ATXN1: variants seen among roughly 807,000 people sequenced by gnomAD.
ATXN1 encodes the protein ataxin-1.
In ATXN1, 8 loss-of-function variants were observed where a neutral mutation model predicts 56.4. The ratio of observed to expected loss-of-function variants is 0.14; its 90% CI spans 0.08 to 0.26. The LOEUF (loss-of-function observed/expected upper bound fraction) is 0.26, where lower values mean the gene tolerates loss of function less well. ATXN1 is among the 10% of genes least tolerant of loss of function. The pLI is 1.00. For missense variants in ATXN1, 987 were observed against 1,106.5 expected (o/e 0.89, Z 1.53); for synonymous variants, 514 against 494.6 (o/e 1.04, Z -0.52).
At chr6:16,571,080 C>G (rs1762323661) in intron 4 of ATXN1, among the ~76,000 whole-genome samples, 3 of 152,118 alleles carry the variant, frequency 2.0e-5, no homozygotes, top group Admixed American at 6.5e-5. Flanking sequence ...CCTGCCTTTA[C>G]CTTGCAATTG....
chr6:16,734,105 T>C (rs994145017), intron 2 of ATXN1, among the ~76,000 whole-genome samples: 1 of 152,042 alleles, frequency 6.6e-6, no homozygotes. Context: ...AAAAAAAAAA[T>C]GTCTATAGAC....
intron 2 of ATXN1, among the ~76,000 whole-genome samples, chr6:16,680,107 CCA>C (rs1758782779): frequency 6.6e-6 from 1 of 152,030 alleles, no homozygotes; most frequent in African/African-American, 2.4e-5. Context: ...AGTCTTTTAC[CCA>C]CAGTCTCCCA....
Position 16,306,238 on chromosome 6 carries a change from C to T in ATXN1, c.*91G>A. ...CAGAAACCTAAAATTAAGAAGATAACATGTAAATACTGTGTTATTTTAGCC... is the reference window on the plus strand; with the variant it reads ...CAGAAACCTAAAATTAAGAAGATAATATGTAAATACTGTGTTATTTTAGCC... On this transcript the variant is annotated 3_prime_UTR_variant, in exon 8 of 8. Transcript: ENST00000436367. This position sits in a 1 kb window ranked among gnomAD's most constrained non-coding sequence, Gnocchi z 5.2. The T allele has an allele frequency of 7.1e-7, 1 of 1,417,524 alleles. No homozygotes were observed. 87.8% of individuals were successfully genotyped at this position (1,417,524 alleles called of 1,614,324 possible).
rs781173502 is a variant in ATXN1, at chr6:16,513,416, T to C, written c.-299+9211A>G. On this transcript the variant is annotated intron_variant, in intron 5 of 7. Transcript: ENST00000436367. Reference sequence around the variant, plus strand: ...TAGCAAGAAAATATGCTTGAAACTATAGGAAATGGGGAACAGAACATTACT... The same window carrying C: ...TAGCAAGAAAATATGCTTGAAACTACAGGAAATGGGGAACAGAACATTACT... Among the ~76,000 whole-genome samples, 10 of 152,198 alleles carry C rather than the reference T, an allele frequency of 6.6e-5. No individual in the cohort carries two copies. In the South Asian group the frequency reaches 1.9e-3, roughly 28 times the overall value.
At chr6:16,468,427 G>T (rs921340261) in intron 6 of ATXN1, among the ~76,000 whole-genome samples, 8 of 152,264 alleles carry the variant, frequency 5.3e-5, no homozygotes, top group African/African-American at 1.7e-4. Flanking sequence ...CTGACATCGT[G>T]ATCTGCCCGC....
intron 3 of ATXN1, among the ~76,000 whole-genome samples, chr6:16,618,158 C>G (rs1226723798): frequency 6.6e-6 from 1 of 152,070 alleles, no homozygotes; most frequent in Non-Finnish European, 1.5e-5. Flanking sequence ...CAAACTAACC[C>G]AGGAACAGAA....
chr6:16,355,862 C>G (rs1301819377), intron 6 of ATXN1, among the ~76,000 whole-genome samples: 1 of 151,980 alleles, frequency 6.6e-6, no homozygotes, highest in East Asian at 1.9e-4. Flanking sequence ...CCACGCCCAG[C>G]CCCTCACCCA....
intron 6 of ATXN1, among the ~76,000 whole-genome samples, chr6:16,464,032 C>G (rs1451647682): frequency 6.6e-5 from 10 of 152,196 alleles, no homozygotes; most frequent in Non-Finnish European, 4.4e-5. Flanking sequence ...TCACCCCTAT[C>G]CAGCAGGAAG....
intron 4 of ATXN1, among the ~76,000 whole-genome samples, chr6:16,545,552 A>G (rs2113721816): frequency 6.6e-6 from 1 of 152,310 alleles, no homozygotes; most frequent in South Asian, 2.1e-4. Context: ...TTCATCATCA[A>G]CAAACCTATT....
At chr6:16,686,968 A>G (rs922861305) in intron 2 of ATXN1, among the ~76,000 whole-genome samples, 3 of 152,188 alleles carry the variant, frequency 2.0e-5, no homozygotes, top group Non-Finnish European at 4.4e-5. Flanking sequence ...AGTGTTTACA[A>G]TGACACTATA....
At chr6:16,571,661 A>T (rs571913216) in intron 4 of ATXN1, among the ~76,000 whole-genome samples, 1 of 136,920 alleles carries the variant, frequency 7.3e-6, no homozygotes, top group African/African-American at 2.6e-5. Context: ...TCAGCTAATT[A>T]AAAAAAAAAA....
At chr6:16,504,581 T>C (rs1760946084) in intron 5 of ATXN1, among the ~76,000 whole-genome samples, 1 of 152,186 alleles carries the variant, frequency 6.6e-6, no homozygotes, top group Admixed American at 6.5e-5. Flanking sequence ...ATGTTTTTCA[T>C]ATAATGATCA....
At position 16,303,327 on chromosome 6, in the gene ATXN1, T is replaced by C. The variant is rs1760159501; in HGVS notation, c.*3002A>G. The C allele has an allele frequency of 6.6e-6, 1 of 152,350 alleles. No individual in the cohort carries two copies. Among genetic ancestry groups the C allele is most frequent in the Admixed American group, 6.5e-5 (1 of 15,280 alleles). The allele number at this position is 152,350 out of a possible 1,614,324, so 9.4% of individuals were successfully genotyped here. A position where few individuals can be genotyped will look rare whatever the true frequency, so the allele number is the denominator to read the frequency against. On this transcript the variant is annotated 3_prime_UTR_variant, in exon 8 of 8. Coordinates refer to ENST00000436367, the MANE Select transcript of ATXN1 (RefSeq NM_001128164.2). The surrounding 1 kb of genome is among the most constrained non-coding windows in gnomAD (Gnocchi z 4.3). ...CCCCGGGTCTCCTTGGCTGGCTCTTTCTGCAACGTGGCGGCAGACGCACGG... is the reference window on the plus strand; with the variant it reads ...CCCCGGGTCTCCTTGGCTGGCTCTTCCTGCAACGTGGCGGCAGACGCACGG...
chr6:16,671,556 T>A (rs1196468573), intron 2 of ATXN1, among the ~76,000 whole-genome samples: 1 of 152,166 alleles, frequency 6.6e-6, no homozygotes, highest in South Asian at 2.1e-4. Flanking sequence ...AGTTCATAAA[T>A]GTTATCTCTA....
intron 6 of ATXN1, among the ~76,000 whole-genome samples, chr6:16,329,371 C>A (rs1760926457): frequency 6.6e-6 from 1 of 152,098 alleles, no homozygotes. Context: ...TGGGTCCACA[C>A]TGGACCTACG....
intron 6 of ATXN1, 185 bp downstream of exon 6, chr6:16,485,787 C>T (rs949017546): frequency 6.6e-6 from 1 of 152,144 alleles, no homozygotes; most frequent in Non-Finnish European, 1.5e-5. Context: ...CAAGTTCCAG[C>T]AAATACAAAC....
chr6:16,753,415 A>G (rs1047140848), intron 1 of ATXN1, 68 bp from the exon 2 acceptor site: 5 of 452,110 alleles, frequency 1.1e-5, no homozygotes, highest in Admixed American at 2.4e-5. Context: ...GCTTTAAAAA[A>G]TAAGTCCACC....
At chr6:16,374,851 C>T (rs986153498) in intron 6 of ATXN1, among the ~76,000 whole-genome samples, 2 of 152,208 alleles carry the variant, frequency 1.3e-5, no homozygotes, top group Non-Finnish European at 2.9e-5. Context: ...GTTACCTGCA[C>T]GCATTCTTAC....
intron 2 of ATXN1, among the ~76,000 whole-genome samples, chr6:16,664,556 G>C (rs1414571492): frequency 3.3e-5 from 5 of 152,084 alleles, no homozygotes; most frequent in Non-Finnish European, 5.9e-5. Context: ...ACTTTGGAGG[G>C]TCTCATATGT....
Sources: gnomAD v4.1 joint callset for allele counts (sites outside exome capture counted in the v4.1 genomes callset) on GRCh38, gnomAD v4.1.1 for gene constraint, Gnocchi (gnomAD v3.1) non-coding constraint, MANE v1.5 for transcripts, NCBI Gene and HGNC (gene_info 2026-07-23, HGNC 2026-07-21) for gene names.